The following CEP57L1 variants were observed in gnomAD, a reference collection of about 807,000 sequenced individuals.
CEP57L1 encodes the protein centrosomal protein 57 like 1.
CEP57L1 carries 37 observed loss-of-function variants against 61.0 expected under a neutral mutation model. The observed-to-expected ratio is 0.61, with a 90% CI of 0.47 to 0.80. The LOEUF is 0.80. Among genes scored for constraint, CEP57L1 ranks in the 30% least tolerant of loss-of-function variants. The pLI is 0.00. For synonymous variants in CEP57L1, 137 were observed against 162.3 expected (o/e 0.84, Z 1.19); for missense variants, 422 against 524.7 (o/e 0.80, Z 1.91).
intron 1 of CEP57L1, among the ~76,000 whole-genome samples, chr6:109,117,175 C>T (rs1772407339): frequency 6.6e-6 from 1 of 152,106 alleles, no homozygotes; most frequent in South Asian, 2.1e-4. Context: ...TTTCCAAACA[C>T]TCTCATTCTA....
In CEP57L1 at chr6:109,163,294, T is replaced by C. The variant is rs1351638706; in HGVS notation, c.*324T>C. 1.0e-5 allele frequency: 2 copies of C among 196,376 alleles called. No homozygotes were observed. Among genetic ancestry groups the C allele is most frequent in the Non-Finnish European group, 2.1e-5 (2 of 96,142 alleles). 12.2% of individuals were successfully genotyped at this position (196,376 alleles called of 1,614,324 possible). ...ATTCAAAATTGAGTTAAATCCAAGC[T>C]ACAAGTACCATTCATTCCACTTTTC... On this transcript the variant is annotated 3_prime_UTR_variant, in exon 11 of 11. Transcript: ENST00000517392.
intron 1 of CEP57L1, among the ~76,000 whole-genome samples, chr6:109,112,311 A>G (rs969762800): frequency 6.6e-6 from 1 of 152,128 alleles, no homozygotes; most frequent in Non-Finnish European, 1.5e-5. Flanking sequence ...TTATTTACGT[A>G]GAGGTGTTTA....
At position 109,171,325 on chromosome 6, in the gene CEP57L1, G is replaced by T. The variant is rs1411336375; in HGVS notation, c.*8355G>T. ...GCGATCTCAGCTCACTGCAACCTCC[G>T]CCTCCCAGGTTCAAGCGATTCTTCT... On this transcript the variant is annotated 3_prime_UTR_variant, in exon 11 of 11. Coordinates refer to ENST00000517392, the MANE Select transcript of CEP57L1 (RefSeq NM_001271852.3). Among the ~76,000 whole-genome samples the T allele has an allele frequency of 3.3e-5, 5 of 150,676 alleles. No homozygotes were observed. The East Asian group carries it at 9.7e-4, about 29-fold the overall frequency.
chr6:109,152,430 A>G (rs1389544607), intron 4 of CEP57L1, among the ~76,000 whole-genome samples: 2 of 151,924 alleles, frequency 1.3e-5, no homozygotes, highest in Non-Finnish European at 2.9e-5. Context: ...TGATCCACCC[A>G]CCTTGGCCTC....
chr6:109,101,534 A>G (rs1343524378), intron 1 of CEP57L1, among the ~76,000 whole-genome samples: 3 of 152,226 alleles, frequency 2.0e-5, no homozygotes, highest in Admixed American at 6.5e-5. Flanking sequence ...AAAAATTTTT[A>G]ACTCATCTAG....
chr6:109,107,164 A>G (rs1562499162), intron 1 of CEP57L1, among the ~76,000 whole-genome samples: 1 of 152,336 alleles, frequency 6.6e-6, no homozygotes, highest in East Asian at 1.9e-4. Context: ...TGAACCTAAT[A>G]AATTAGACTT....
intron 1 of CEP57L1, among the ~76,000 whole-genome samples, chr6:109,109,581 T>C (rs919737590): frequency 2.0e-5 from 3 of 152,244 alleles, no homozygotes; most frequent in Non-Finnish European, 4.4e-5. Context: ...GGGATACATA[T>C]GCAGAACGTG....
At chr6:109,138,144 A>G (rs2114813592) in intron 1 of CEP57L1, among the ~76,000 whole-genome samples, 1 of 152,338 alleles carries the variant, frequency 6.6e-6, no homozygotes, top group East Asian at 1.9e-4. Context: ...GGGGGACCCA[A>G]TTCATATATG....
rs1239839847 is a variant in CEP57L1 at position 109,165,244 on chromosome 6, A to G, written c.*2274A>G. 6.6e-6 allele frequency among the ~76,000 whole-genome samples: 1 copy of G among 152,062 alleles called. No individual in the cohort carries two copies. The highest frequency in any genetic ancestry group is 1.5e-5 in the Non-Finnish European group (1 of 68,006). ...TTTAATAGCTTGGACAAGTCAGATAACTTTCTGGAGCCTCAGTTTCTCATC... is the reference window on the plus strand; with the variant it reads ...TTTAATAGCTTGGACAAGTCAGATAGCTTTCTGGAGCCTCAGTTTCTCATC... On this transcript the variant is annotated 3_prime_UTR_variant, in exon 11 of 11. Coordinates refer to ENST00000517392, the MANE Select transcript of CEP57L1 (RefSeq NM_001271852.3).
intron 3 of CEP57L1, among the ~76,000 whole-genome samples, chr6:109,149,094 C>T (rs1772297641): frequency 6.6e-6 from 1 of 152,156 alleles, no homozygotes; most frequent in Non-Finnish European, 1.5e-5. Context: ...ATGGTAGTTT[C>T]TTTTGCTGTG....
chr6:109,133,506 AGGG>A (rs1441365359), intron 1 of CEP57L1, among the ~76,000 whole-genome samples: 1 of 152,128 alleles, frequency 6.6e-6, no homozygotes, highest in Non-Finnish European at 1.5e-5. Flanking sequence ...TCCACAGACC[AGGG>A]GTTGGGGACC....
At chr6:109,103,764 ATT>A (rs1770597634) in intron 1 of CEP57L1, among the ~76,000 whole-genome samples, 1 of 152,130 alleles carries the variant, frequency 6.6e-6, no homozygotes, top group South Asian at 2.1e-4. Context: ...TTCTTGAAAG[ATT>A]TGTGAGCGAG....
rs1773836842 is a variant in CEP57L1 at position 109,162,815 on chromosome 6, G to A, written c.1228G>A (p.Asp410Asn). The A allele has an allele frequency of 1.9e-6, 3 of 1,613,126 alleles. No individual in the cohort carries two copies. The highest frequency in any genetic ancestry group is 2.5e-6 in the Non-Finnish European group (3 of 1,179,554). ...TGAAGCTTCAGGTATTCAGCAAGAA[G>A]ACAGCTACCCTAAAGGATCAAAGAA... ...MSEASGIQQE[D>N]SYPKGSKNIK... Residue 410 changes from aspartate (D) to asparagine (N), a missense_variant, in exon 11 of 11, where the codon GAC (aspartate) becomes AAC (asparagine). Physicochemically the swap from Asp to Asn is conservative, Grantham distance 23. Transcript: ENST00000517392.
chr6:109,168,832 G>T lies in CEP57L1; in HGVS notation c.*5862G>T, dbSNP rs1233313014. Among the ~76,000 whole-genome samples the T allele has an allele frequency of 6.6e-6, 1 of 151,292 alleles. No individual in the cohort carries two copies. Among genetic ancestry groups the T allele is most frequent in the African/African-American group, 2.4e-5 (1 of 41,290 alleles). On this transcript the variant is annotated 3_prime_UTR_variant, in exon 11 of 11. Coordinates refer to ENST00000517392, the MANE Select transcript of CEP57L1 (RefSeq NM_001271852.3). The stretch of plus-strand genomic sequence containing the variant: ...GCTGGTCACGAACTCCTGAGCTCAG[G>T]CAATCTGCCCGCCTCAGTGTCCCAA...
rs139627618 is a variant in CEP57L1, at chr6:109,146,360, A to G, written c.161-398A>G. Among the ~76,000 whole-genome samples the G allele has an allele frequency of 7.9e-3, 1,206 of 152,056 alleles. 20 individuals are homozygous for G. Among genetic ancestry groups the G allele is most frequent in the African/African-American group, 0.028 (1,156 of 41,564 alleles). ...CCTCAAGAACTGAGAAAAAAAGCCT[A>G]TAACTTTAAACCTAAATTGCCATGT... On this transcript the variant is annotated intron_variant, in intron 2 of 10. Coordinates refer to ENST00000517392, the MANE Select transcript of CEP57L1 (RefSeq NM_001271852.3).
chr6:109,171,945 T>A lies in CEP57L1; in HGVS notation c.*8975T>A, dbSNP rs144403860. ...TGGTGACTGTTTTTGTTGTTAACCTTACCTCAGTGTTTTATCTCGGGTGGT... is the reference window on the plus strand; with the variant it reads ...TGGTGACTGTTTTTGTTGTTAACCTAACCTCAGTGTTTTATCTCGGGTGGT... On this transcript the variant is annotated 3_prime_UTR_variant, in exon 11 of 11. Transcript: ENST00000517392. Among the ~76,000 whole-genome samples, 1,257 of 152,298 alleles carry A rather than the reference T, an allele frequency of 8.3e-3. 8 individuals carry two copies. Among genetic ancestry groups the A allele is most frequent in the Middle Eastern group, 0.014 (4 of 294 alleles).
intron 1 of CEP57L1, among the ~76,000 whole-genome samples, chr6:109,104,436 A>G (rs1325930862): frequency 6.6e-6 from 1 of 152,202 alleles, no homozygotes; most frequent in Non-Finnish European, 1.5e-5. Flanking sequence ...TTGCTGAGTT[A>G]TAGGATATAC....
chr6:109,116,448 T>A (rs2114668528), intron 1 of CEP57L1, among the ~76,000 whole-genome samples: 1 of 152,222 alleles, frequency 6.6e-6, no homozygotes, highest in East Asian at 1.9e-4. Flanking sequence ...AAGTGCTGGA[T>A]TAAAGGAGTG....
intron 1 of CEP57L1, 76 bp downstream of exon 1, chr6:109,095,651 G>A: frequency 1.1e-6 from 1 of 941,706 alleles, no homozygotes. Context: ...GGATTTTGGA[G>A]ACAAAGCCAT....
Sources: gnomAD v4.1 joint callset for allele counts (sites outside exome capture counted in the v4.1 genomes callset) on GRCh38, gnomAD v4.1.1 for gene constraint, MANE v1.5 for transcripts, NCBI Gene and HGNC (gene_info 2026-07-23, HGNC 2026-07-21) for gene names.